MRTFB: variants seen among roughly 807,000 people sequenced by gnomAD.
MRTFB encodes myocardin-related transcription factor B.
A neutral mutation model predicts 104.2 loss-of-function variants in MRTFB; 29 were observed. The observed-to-expected ratio is 0.28, with a 90% CI of 0.21 to 0.38. The LOEUF (loss-of-function observed/expected upper bound fraction) is 0.38, where lower values mean the gene tolerates loss of function less well. Ranked by LOEUF, MRTFB falls within the 10% of genes least tolerant of loss-of-function variation. The probability of loss-of-function intolerance (pLI) is 1.00; values close to 1 mark genes in which losing one functional copy is unlikely to be tolerated. For synonymous variants in MRTFB, 535 were observed against 519.5 expected, an observed-to-expected ratio of 1.03 and a Z score of -0.41; for missense variants, 1,270 against 1,341.6, an observed-to-expected ratio of 0.95 and a Z score of 0.83.
intron 2 of MRTFB, among the ~76,000 whole-genome samples, chr16:14,098,593 C>G (rs956657905): frequency 6.6e-6 from 1 of 152,014 alleles, no homozygotes; most frequent in Non-Finnish European, 1.5e-5. Context: ...TTATTTTATG[C>G]ATTGTGTTTT....
At chr16:14,049,264 C>T in the MRTFB span, among the ~76,000 whole-genome samples, 1 of 152,216 alleles carries the variant, frequency 6.6e-6, no homozygotes, top group East Asian at 1.9e-4. Context: ...ATTTTCCTTT[C>T]AATTAACTGA....
At chr16:14,134,221 T>C (rs555301850) in intron 2 of MRTFB, among the ~76,000 whole-genome samples, 1 of 152,368 alleles carries the variant, frequency 6.6e-6, no homozygotes, top group Admixed American at 6.5e-5. Context: ...AGGAATGTTA[T>C]ATAACTTTTT....
intron 2 of MRTFB, among the ~76,000 whole-genome samples, chr16:14,082,289 G>A (rs945753474): frequency 6.6e-6 from 1 of 152,180 alleles, no homozygotes; most frequent in Non-Finnish European, 1.5e-5. Flanking sequence ...CCATTTAGAA[G>A]AGACTGTCCT....
At chr16:14,152,657 G>C (rs1381203468) in intron 3 of MRTFB, 3 of 152,076 alleles carry the variant, frequency 2.0e-5, no homozygotes, top group Non-Finnish European at 4.4e-5. Flanking sequence ...GGATTTATTT[G>C]GCTTGTAGTT....
chr16:14,121,692 A>G (rs2036852802), intron 2 of MRTFB, among the ~76,000 whole-genome samples: 2 of 152,130 alleles, frequency 1.3e-5, no homozygotes, highest in Non-Finnish European at 2.9e-5. Context: ...TTCTCTTTGC[A>G]GACTGTAAAG....
intron 2 of MRTFB, among the ~76,000 whole-genome samples, chr16:14,140,277 C>T (rs2037925467): frequency 6.6e-6 from 1 of 152,160 alleles, no homozygotes; most frequent in South Asian, 2.1e-4. Flanking sequence ...TTAGTGCCAC[C>T]AATGGCTATG....
chr16:14,211,846 C>T (rs2041201887), intron 4 of MRTFB, among the ~76,000 whole-genome samples: 1 of 152,196 alleles, frequency 6.6e-6, no homozygotes, highest in South Asian at 2.1e-4. Flanking sequence ...TTGAGCCTTT[C>T]ACCTCCTTGC....
intron 16 of MRTFB, among the ~76,000 whole-genome samples, chr16:14,260,465 G>C (rs1490694286): frequency 6.6e-6 from 1 of 151,986 alleles, no homozygotes; most frequent in Non-Finnish European, 1.5e-5. Context: ...TATATTAGGA[G>C]TATCATGTTG....
At chr16:14,227,064 A>T (rs2151275552) in intron 8 of MRTFB, among the ~76,000 whole-genome samples, 1 of 152,198 alleles carries the variant, frequency 6.6e-6, no homozygotes, top group East Asian at 1.9e-4. Flanking sequence ...AATGGAAGAA[A>T]ATATTTGCAA....
intron 3 of MRTFB, among the ~76,000 whole-genome samples, chr16:14,205,987 A>C (rs2040923524): frequency 6.6e-6 from 1 of 152,190 alleles, no homozygotes. Flanking sequence ...CAGATATGAA[A>C]TCTTGTCAAC....
chr16:14,076,700 T>C (rs1181295646), intron 1 of MRTFB, among the ~76,000 whole-genome samples: 1 of 152,176 alleles, frequency 6.6e-6, no homozygotes, highest in Non-Finnish European at 1.5e-5. Flanking sequence ...GGGCAATGCA[T>C]TTATAATTGG....
chr16:14,064,377 A>C, the MRTFB span, among the ~76,000 whole-genome samples: 1 of 152,024 alleles, frequency 6.6e-6, no homozygotes, highest in East Asian at 1.9e-4. Context: ...AGATCTTTGT[A>C]AGATGCTTAG....
At chr16:14,239,669 A>G (rs1376514800) in intron 9 of MRTFB, among the ~76,000 whole-genome samples, 2 of 152,252 alleles carry the variant, frequency 1.3e-5, no homozygotes, top group African/African-American at 4.8e-5. Context: ...TGAGGGATAC[A>G]TGGTCTCACA....
chr16:14,062,833 C>A, the MRTFB span, among the ~76,000 whole-genome samples: 2 of 152,128 alleles, frequency 1.3e-5, no homozygotes, highest in African/African-American at 2.4e-5. Context: ...GTGCCAGGAG[C>A]CTGCCCTCAC....
In MRTFB at chr16:14,210,321, C is replaced by T; in HGVS notation, c.220+13C>T. On this transcript the variant is annotated intron_variant, in intron 4 of 16. Transcript: ENST00000571589. ...GGCATCATGCCACGTAAGATTTATA[C>T]CATCACTGCCATCCCTAACGTGACA... 6.2e-7 allele frequency: 1 copy of T among 1,603,494 alleles called. No homozygotes were observed. The highest frequency in any genetic ancestry group is 8.5e-7 in the Non-Finnish European group (1 of 1,172,014).
chr16:14,214,218 A>C (rs942908569), intron 6 of MRTFB, among the ~76,000 whole-genome samples: 1 of 152,196 alleles, frequency 6.6e-6, no homozygotes, highest in African/African-American at 2.4e-5. Context: ...AAGGCAAAGC[A>C]TTCTCGAAAG....
intron 2 of MRTFB, among the ~76,000 whole-genome samples, chr16:14,087,426 G>A (rs2034785557): frequency 6.6e-6 from 1 of 152,134 alleles, no homozygotes; most frequent in Non-Finnish European, 1.5e-5. Context: ...TTGAGGAGAG[G>A]GAGTCTGACT....
the MRTFB span, among the ~76,000 whole-genome samples, chr16:13,996,549 C>G: frequency 3.9e-5 from 6 of 152,336 alleles, no homozygotes; most frequent in Middle Eastern, 0.02. Flanking sequence ...GTGTTAGGCA[C>G]AGGACTGGGT....
chr16:14,114,912 C>A (rs2036459164), intron 2 of MRTFB, among the ~76,000 whole-genome samples: 2 of 152,170 alleles, frequency 1.3e-5, no homozygotes, highest in South Asian at 4.1e-4. Context: ...TTTTTCAGCA[C>A]CTACAATAAA....
Sources: allele counts gnomAD v4.1 joint callset (sites outside exome capture counted in the v4.1 genomes callset), GRCh38; gene constraint gnomAD v4.1.1; transcripts MANE v1.5; gene names NCBI Gene and HGNC (gene_info 2026-07-23, HGNC 2026-07-21).